CLDN14: variants seen among roughly 807,000 people sequenced by gnomAD.
The protein encoded by CLDN14 is claudin 14.
CLDN14 carries 2 observed loss-of-function variants against 2.1 expected under a neutral mutation model. The observed-to-expected ratio is 0.96, with a 90% CI of 0.39 to 3.01. The LOEUF (loss-of-function observed/expected upper bound fraction) is 3.01. Among genes scored for constraint, CLDN14 ranks in the 30% most tolerant of loss-of-function variants. The pLI is 0.09. For synonymous variants in CLDN14, 136 were observed against 154.4 expected (o/e 0.88, Z 0.88); for missense variants, 298 against 328.0 (o/e 0.91, Z 0.71).
chr21:36,469,633 T>C lies in CLDN14; in HGVS notation c.-81-7857A>G, dbSNP rs191101074. Among the ~76,000 whole-genome samples the C allele has an allele frequency of 1.7e-4, 26 of 152,334 alleles. No individual in the cohort carries two copies. The East Asian group carries it at 4.8e-3, about 28-fold the overall frequency. Reference sequence around the variant, plus strand: ...AAGAACTGATTCGAAGAAAAGTTTATGTGAATACAAATGAAAACCATGGAT... The same window carrying C: ...AAGAACTGATTCGAAGAAAAGTTTACGTGAATACAAATGAAAACCATGGAT... On this transcript the variant is annotated intron_variant, in intron 1 of 1. Coordinates refer to ENST00000399135, the MANE Select transcript of CLDN14 (RefSeq NM_001146079.2).
rs1444285853 is a variant in CLDN14, at chr21:36,469,113, G to A, written c.-81-7337C>T. On this transcript the variant is annotated intron_variant, in intron 1 of 1. Transcript: ENST00000399135. Reference sequence around the variant, plus strand: ...GACACTGTGTTTCTTAATCATGTGCGAAACAAACGCATATCTTTTCAAGAA... The same window carrying A: ...GACACTGTGTTTCTTAATCATGTGCAAAACAAACGCATATCTTTTCAAGAA... 7.2e-5 allele frequency among the ~76,000 whole-genome samples: 11 copies of A among 152,260 alleles called. No individual in the cohort carries two copies. In the East Asian group the frequency reaches 1.5e-3, roughly 21 times the overall value.
rs150201704 is a variant in CLDN14 at position 36,461,335 on chromosome 21, C to T, written c.361G>A (p.Gly121Ser). ...TPAKTTFAIL[G>S]GTLFILAGLL... Reference sequence around the variant, plus strand: ...CCGGCCAGGATGAAGAGGGTGCCGCCGAGGATGGCAAAGGTGGTCTTGGCG... The same window carrying T: ...CCGGCCAGGATGAAGAGGGTGCCGCTGAGGATGGCAAAGGTGGTCTTGGCG... The change falls in exon 2 of 2, where the codon GGC (glycine) becomes AGC (serine). Residue 121 changes from glycine to serine, a missense_variant. Gly to Ser is a moderately conservative substitution (Grantham distance 56, BLOSUM62 0). Transcript: ENST00000399135. 306 of 1,613,572 alleles carry T rather than the reference C, an allele frequency of 1.9e-4. 1 individual carries two copies. Among genetic ancestry groups the T allele is most frequent in the Non-Finnish European group, 2.2e-4 (263 of 1,179,980 alleles).
In CLDN14 at chr21:36,544,652, T is replaced by C. The variant is rs2087515051; in HGVS notation, c.-220+31759A>G. Among the ~76,000 whole-genome samples the C allele has an allele frequency of 1.3e-5, 2 of 152,198 alleles. No individual in the cohort carries two copies. The highest frequency in any genetic ancestry group is 2.9e-5 in the Non-Finnish European group (2 of 68,028). On this transcript the variant is annotated intron_variant, in intron 1 of 2. Transcript: ENST00000342108. The surrounding 1 kb of genome is among the most constrained non-coding windows in gnomAD (Gnocchi z 4.1). The stretch of plus-strand genomic sequence containing the variant: ...CTCTGTATTTTATCCAAATATGCCG[T>C]GGACTTTGAAATGAACTCTTTACAC...
Position 36,528,611 on chromosome 21 carries a change from C to T in CLDN14, c.-219-18111G>A, listed in dbSNP as rs76074157. Among the ~76,000 whole-genome samples, 6 of 152,224 alleles carry T rather than the reference C, an allele frequency of 3.9e-5. No homozygotes were observed. In the East Asian group the frequency reaches 5.8e-4, roughly 15 times the overall value. ...GGAACTGGGTTAGGGTCTCTTCCCC[C>T]GTCCACAGATATTGGGGTATGTGGG... On this transcript the variant is annotated intron_variant, in intron 1 of 2. Transcript: ENST00000342108.
intron 1 of CLDN14, among the ~76,000 whole-genome samples, chr21:36,554,840 G>T (rs2087587705): frequency 6.6e-6 from 1 of 152,224 alleles, no homozygotes; most frequent in Non-Finnish European, 1.5e-5. Context: ...TGCCTCTGCA[G>T]CACTGACAGG....
chr21:36,552,467 G>T (rs933608917), intron 1 of CLDN14, among the ~76,000 whole-genome samples: 2 of 152,120 alleles, frequency 1.3e-5, no homozygotes, highest in African/African-American at 4.8e-5. Flanking sequence ...AAGTTAAGTT[G>T]ATCTGTTACA....
At chr21:36,486,866 C>T (rs140270401) in intron 2 of CLDN14, 120 of 705,368 alleles carry the variant, frequency 1.7e-4, no homozygotes, top group African/African-American at 1.6e-3. Context: ...TTGGGTTGGA[C>T]GGTGTGTAGC....
intron 1 of CLDN14, among the ~76,000 whole-genome samples, chr21:36,533,903 A>G (rs910549104): frequency 6.6e-6 from 1 of 152,182 alleles, no homozygotes; most frequent in African/African-American, 2.4e-5. Flanking sequence ...TAGGCTTAAT[A>G]CCTGGGTGAT....
intron 1 of CLDN14, among the ~76,000 whole-genome samples, chr21:36,516,088 GT>G (rs1568866158): frequency 6.6e-6 from 1 of 151,958 alleles, no homozygotes; most frequent in Non-Finnish European, 1.5e-5. Context: ...GGGCCCGGCC[GT>G]TTTCCCTTCT....
intron 2 of CLDN14, among the ~76,000 whole-genome samples, chr21:36,490,471 C>T (rs1372473764): frequency 2.0e-5 from 3 of 150,124 alleles, no homozygotes; most frequent in Non-Finnish European, 4.4e-5. Context: ...TCACTGCAAC[C>T]TCCACCTCCT....
chr21:36,510,768 A>G (rs762706172), intron 1 of CLDN14, among the ~76,000 whole-genome samples: 1 of 152,248 alleles, frequency 6.6e-6, no homozygotes, highest in East Asian at 1.9e-4. Flanking sequence ...TTGAATCCCA[A>G]GGTCTGCAGC....
Position 36,468,747 on chromosome 21 carries a change from TTTTCTTTC to T in CLDN14, c.-81-6979_-81-6972del, listed in dbSNP as rs749433177. Among the ~76,000 whole-genome samples the T allele has an allele frequency of 8.8e-4, 132 of 150,796 alleles. 1 individual carries two copies. Among genetic ancestry groups the T allele is most frequent in the African/African-American group, 3.1e-3 (126 of 40,810 alleles). ...ACTTCAACTAGTATTACTTTTTTCT[TTTTCTTTC>T]TTTCTTTCTTTCTTTTTTTTTTGAG... On this transcript the variant is annotated intron_variant, in intron 1 of 1. Transcript: ENST00000399135.
Position 36,460,814 on chromosome 21 carries a change from C to A in CLDN14, c.*162G>T. The A allele has an allele frequency of 5.0e-6, 4 of 803,888 alleles. No homozygotes were observed. Among genetic ancestry groups the A allele is most frequent in the Non-Finnish European group, 7.9e-6 (4 of 507,392 alleles). 49.8% of individuals were successfully genotyped at this position (803,888 alleles called of 1,614,324 possible). On this transcript the variant is annotated 3_prime_UTR_variant, in exon 2 of 2. Transcript: ENST00000399135. This position sits in a 1 kb window ranked among gnomAD's most constrained non-coding sequence, Gnocchi z 4.0. ...AGCTTTCTCCTCCTCTTATTTCCCC[C>A]TCTGTCCCTGTGCTCTAAAGACATT...
rs2087296645 is a variant in CLDN14, at chr21:36,523,791, GAAAGAAAGAAAGAAAGAA to G, written c.-219-13309_-219-13292del. On this transcript the variant is annotated intron_variant, in intron 1 of 2. Coordinates refer to the CLDN14 transcript ENST00000342108. ...AGAAAGAGAGAAAGAGAGAAAGAAA[GAAAGAAAGAAAGAAAGAA>G]AGAAAGAAAGAAAGAAAGAAAGAAA... 2.4e-5 allele frequency among the ~76,000 whole-genome samples: 2 copies of G among 83,430 alleles called. 1 individual carries two copies. The highest frequency in any genetic ancestry group is 4.7e-5 in the Non-Finnish European group (2 of 42,700). The allele number at this position is 83,430 out of a possible 152,430, so 54.7% of individuals were successfully genotyped here. A position where few individuals can be genotyped will look rare whatever the true frequency, so the allele number is the denominator to read the frequency against.
Position 36,499,983 on chromosome 21 carries a change from G to A in CLDN14, c.-82+10380C>T, listed in dbSNP as rs190203143. On this transcript the variant is annotated intron_variant, in intron 2 of 2. Coordinates refer to the CLDN14 transcript ENST00000342108. The surrounding 1 kb of genome is among the most constrained non-coding windows in gnomAD (Gnocchi z 4.7). ...ACAGAGTCTACCTGTCTTCCAATGC[G>A]AGTCCCGCGAGGTGAAGAATTAGAG... 1.3e-4 allele frequency among the ~76,000 whole-genome samples: 19 copies of A among 151,990 alleles called. No homozygotes were observed. The highest frequency in any genetic ancestry group is 7.7e-4 in the East Asian group (4 of 5,170).
intron 1 of CLDN14, among the ~76,000 whole-genome samples, chr21:36,542,314 T>TGC (rs1383433849): frequency 1.3e-5 from 2 of 152,224 alleles, no homozygotes; most frequent in African/African-American, 4.8e-5. Flanking sequence ...CTTCTCACGC[T>TGC]GCCCGGAAAA....
Position 36,460,820 on chromosome 21 carries a change from C to G in CLDN14, c.*156G>C. On this transcript the variant is annotated 3_prime_UTR_variant, in exon 2 of 2. Transcript: ENST00000399135. The surrounding 1 kb of genome is among the most constrained non-coding windows in gnomAD (Gnocchi z 4.0). Reference sequence around the variant, plus strand: ...CTCCTCCTCTTATTTCCCCCTCTGTCCCTGTGCTCTAAAGACATTTCCTCG... The same window carrying G: ...CTCCTCCTCTTATTTCCCCCTCTGTGCCTGTGCTCTAAAGACATTTCCTCG... The G allele has an allele frequency of 2.4e-6, 2 of 845,518 alleles. No homozygotes were observed. Among genetic ancestry groups the G allele is most frequent in the Non-Finnish European group, 3.7e-6 (2 of 539,410 alleles). 52.4% of individuals were successfully genotyped at this position (845,518 alleles called of 1,614,324 possible). A position where few individuals can be genotyped will look rare whatever the true frequency, so the allele number is the denominator to read the frequency against.
intron 1 of CLDN14, among the ~76,000 whole-genome samples, chr21:36,543,056 C>T (rs552928440): frequency 1.3e-5 from 2 of 152,284 alleles, no homozygotes; most frequent in African/African-American, 4.8e-5. Flanking sequence ...TCCACCTGGC[C>T]GGAGGTGGGT....
chr21:36,490,375 TTTTTTTTTAA>T (rs1480502507), intron 2 of CLDN14, among the ~76,000 whole-genome samples: 31 of 147,418 alleles, frequency 2.1e-4, no homozygotes, highest in Non-Finnish European at 5.9e-5. Flanking sequence ...GCTAGTTCAA[TTTTTTTTTAA>T]TTTTTTTTTT....
Sources: gnomAD v4.1 joint callset for allele counts (sites outside exome capture counted in the v4.1 genomes callset) on GRCh38, gnomAD v4.1.1 for gene constraint, Gnocchi (gnomAD v3.1) non-coding constraint, MANE v1.5 for transcripts, NCBI Gene and HGNC (gene_info 2026-07-23, HGNC 2026-07-21) for gene names.